The following GNL1 variants were observed in gnomAD, a reference collection of about 807,000 sequenced individuals.
The protein encoded by GNL1 is G protein nucleolar 1, also known as guanine nucleotide-binding protein-like 1.
Under a neutral mutation model 75.2 loss-of-function variants are expected in GNL1, and 21 were observed. The observed-to-expected ratio is 0.28, with a 90% CI of 0.20 to 0.40. The LOEUF (loss-of-function observed/expected upper bound fraction) is 0.40. GNL1 is among the 10% of genes least tolerant of loss of function. The probability of loss-of-function intolerance (pLI) is 1.00; values close to 1 mark genes in which losing one functional copy is unlikely to be tolerated. For synonymous variants in GNL1, 287 were observed against 303.4 expected (o/e 0.95, Z 0.56); for missense variants, 579 against 775.0 (o/e 0.75, Z 3.00).
intron 8 of GNL1, among the ~76,000 whole-genome samples, chr6:30,549,825 CTTT>C (rs535787672): frequency 1.7e-4 from 22 of 129,414 alleles, no homozygotes; most frequent in African/African-American, 4.0e-4. Context: ...AATTCCATGG[CTTT>C]TTTTTTTTTT....
Position 30,546,411 on chromosome 6 carries a change from A to G in GNL1, c.1583-98T>C. ...GAGGCAAAGACTAGGAATAACAATAATCTTTAGAGCTGCTGGCATTCATTC... is the reference window on the plus strand; with the variant it reads ...GAGGCAAAGACTAGGAATAACAATAGTCTTTAGAGCTGCTGGCATTCATTC... On this transcript the variant is annotated intron_variant, in intron 11 of 11. Transcript: ENST00000376621. This position sits in a 1 kb window ranked among gnomAD's most constrained non-coding sequence, Gnocchi z 5.1. 1 of 758,186 alleles carries G rather than the reference A, an allele frequency of 1.3e-6. No homozygotes were observed. Among genetic ancestry groups the G allele is most frequent in the Non-Finnish European group, 2.2e-6 (1 of 455,354 alleles). 47.0% of individuals were successfully genotyped at this position (758,186 alleles called of 1,614,324 possible).
At chr6:30,554,681 C>G in intron 4 of GNL1, 35 bp from the exon 5 acceptor site, 1 of 1,592,012 alleles carries the variant, frequency 6.3e-7, no homozygotes, top group Non-Finnish European at 8.6e-7. Flanking sequence ...AAACTGAAAA[C>G]AGAGTCCCTC....
In GNL1 at chr6:30,556,429, G is replaced by C. The variant is rs878930524; in HGVS notation, c.-226C>G. On this transcript the variant is annotated 5_prime_UTR_variant, in exon 1 of 12. Coordinates refer to ENST00000376621, the MANE Select transcript of GNL1 (RefSeq NM_005275.5). The surrounding 1 kb of genome is among the most constrained non-coding windows in gnomAD (Gnocchi z 5.7). Reference sequence around the variant, plus strand: ...AGGAGCGAGGCGAGAGGATGATGCGGGGTGGGCTACTGGCACGTGAGAGCC... The same window carrying C: ...AGGAGCGAGGCGAGAGGATGATGCGCGGTGGGCTACTGGCACGTGAGAGCC... 3.2e-5 allele frequency: 19 copies of C among 596,810 alleles called. No individual in the cohort carries two copies. In the South Asian group the frequency reaches 3.4e-4, roughly 11 times the overall value. The allele number at this position is 596,810 out of a possible 1,614,324, so 37.0% of individuals were successfully genotyped here.
In GNL1 at chr6:30,552,642, C is replaced by T; in HGVS notation, c.924G>A (p.Arg308=). ...TVGKVDLSSW[R]EKIARDVAGA... is the part of the protein sequence containing the mutation. ...CAGCCACATCCCGAGCAATCTTCTC[C>T]CGCCAGCTGCTCAAGTCCACTGCTC... The change falls in exon 8 of 12, where the codon CGG becomes CGA. Residue 308 remains arginine, a synonymous_variant. Coordinates refer to ENST00000376621, the MANE Select transcript of GNL1 (RefSeq NM_005275.5). This position sits in a 1 kb window ranked among gnomAD's most constrained non-coding sequence, Gnocchi z 4.5. The T allele has an allele frequency of 6.2e-7, 1 of 1,613,594 alleles. No homozygotes were observed. Among genetic ancestry groups the T allele is most frequent in the Non-Finnish European group, 8.5e-7 (1 of 1,179,696 alleles).
In GNL1 at chr6:30,555,499, G is replaced by T; in HGVS notation, c.239+56C>A. On this transcript the variant is annotated intron_variant, in intron 2 of 11. Transcript: ENST00000376621. The surrounding 1 kb of genome is among the most constrained non-coding windows in gnomAD (Gnocchi z 4.3). Reference sequence around the variant, plus strand: ...CAGTAGCAGCCCGCTTTCCCCCAAAGCTCTGACTTCCGGGTAGGCGGGAAA... The same window carrying T: ...CAGTAGCAGCCCGCTTTCCCCCAAATCTCTGACTTCCGGGTAGGCGGGAAA... 1 of 1,534,466 alleles carries T rather than the reference G, an allele frequency of 6.5e-7. No individual in the cohort carries two copies. The highest frequency in any genetic ancestry group is 8.9e-7 in the Non-Finnish European group (1 of 1,121,498).
Position 30,556,269 on chromosome 6 carries a change from G to A in GNL1, c.-66C>T. 3 of 1,562,966 alleles carry A rather than the reference G, an allele frequency of 1.9e-6. No individual in the cohort carries two copies. Among genetic ancestry groups the A allele is most frequent in the Non-Finnish European group, 2.6e-6 (3 of 1,161,612 alleles). On this transcript the variant is annotated 5_prime_UTR_variant, in exon 1 of 12. Transcript: ENST00000376621. The surrounding 1 kb of genome is among the most constrained non-coding windows in gnomAD (Gnocchi z 5.7). ...CGCCGCCTCAACTGACTGCCCCCCG[G>A]GGCAGCCCCCGCCGCAGGGGCCCGG...
In GNL1 at chr6:30,556,100, C is replaced by T. The variant is rs1434165944; in HGVS notation, c.73+31G>A. 6.3e-7 allele frequency: 1 copy of T among 1,595,548 alleles called. No individual in the cohort carries two copies. Among genetic ancestry groups the T allele is most frequent in the Admixed American group, 1.7e-5 (1 of 60,008 alleles). Reference sequence around the variant, plus strand: ...CCTTCCAGATGTGCGGAAGCCCGAGCCCCGCCCCCTCCTCCCGCTCCCGCA... The same window carrying T: ...CCTTCCAGATGTGCGGAAGCCCGAGTCCCGCCCCCTCCTCCCGCTCCCGCA... On this transcript the variant is annotated intron_variant, in intron 1 of 11. Transcript: ENST00000376621. The surrounding 1 kb of genome is among the most constrained non-coding windows in gnomAD (Gnocchi z 5.7).
In GNL1 at chr6:30,555,316, G is replaced by A; in HGVS notation, c.240-125C>T. On this transcript the variant is annotated intron_variant, in intron 2 of 11. Transcript: ENST00000376621. This position sits in a 1 kb window ranked among gnomAD's most constrained non-coding sequence, Gnocchi z 4.3. ...GAGTCGTTCAAGTCTCCTCTCTCAAGTCAGACTTCCCCCAAGTCCTTCTTT... is the reference window on the plus strand; with the variant it reads ...GAGTCGTTCAAGTCTCCTCTCTCAAATCAGACTTCCCCCAAGTCCTTCTTT... 3.4e-6 allele frequency: 4 copies of A among 1,173,254 alleles called. No individual in the cohort carries two copies. The South Asian group carries it at 5.5e-5, about 16-fold the overall frequency. 72.7% of individuals were successfully genotyped at this position (1,173,254 alleles called of 1,614,324 possible). A position where few individuals can be genotyped will look rare whatever the true frequency, so the allele number is the denominator to read the frequency against.
Position 30,543,956 on chromosome 6 carries a change from TCA to T in GNL1, c.*2114_*2115del, listed in dbSNP as rs1303316430. The T allele has an allele frequency of 6.6e-6, 1 of 152,208 alleles. No homozygotes were observed. The highest frequency in any genetic ancestry group is 1.5e-5 in the Non-Finnish European group (1 of 68,050). 9.4% of individuals were successfully genotyped at this position (152,208 alleles called of 1,614,324 possible). A position where few individuals can be genotyped will look rare whatever the true frequency, so the allele number is the denominator to read the frequency against. On this transcript the variant is annotated 3_prime_UTR_variant, in exon 12 of 12. Transcript: ENST00000376621. ...GCCCCAGACCTCCATGGTCAAGTAT[TCA>T]CATAGTAGACATGACCCAGACAAGA... is the stretch of plus-strand genomic sequence containing the variant.
Position 30,556,267 on chromosome 6 carries a change from C to T in GNL1, c.-64G>A. 6.5e-7 allele frequency: 1 copy of T among 1,535,192 alleles called. No homozygotes were observed. The stretch of plus-strand genomic sequence containing the variant: ...CCCGCCGCCTCAACTGACTGCCCCC[C>T]GGGGCAGCCCCCGCCGCAGGGGCCC... On this transcript the variant is annotated 5_prime_UTR_variant, in exon 1 of 12. Coordinates refer to ENST00000376621, the MANE Select transcript of GNL1 (RefSeq NM_005275.5). This position sits in a 1 kb window ranked among gnomAD's most constrained non-coding sequence, Gnocchi z 5.7.
chr6:30,546,058 G>T lies in GNL1; in HGVS notation c.*14C>A, dbSNP rs1404103329. ...CAAAGATACTGGGAGGGAAGATGGC[G>T]CTGGGCGAGGAACTCAGCACTCATC... On this transcript the variant is annotated 3_prime_UTR_variant, in exon 12 of 12. Transcript: ENST00000376621. The surrounding 1 kb of genome is among the most constrained non-coding windows in gnomAD (Gnocchi z 5.1). The T allele has an allele frequency of 1.9e-6, 3 of 1,581,732 alleles. No individual in the cohort carries two copies. In the South Asian group the frequency reaches 3.4e-5, roughly 18 times the overall value.
In GNL1 at chr6:30,550,329, C is replaced by G. The variant is rs149311222; in HGVS notation, c.1099+2138G>C. On this transcript the variant is annotated intron_variant, in intron 8 of 11. Transcript: ENST00000376621. ...CCTCTCCTCCCCAAAGCCTTCAAAT[C>G]TGCTTCTCCCCCAGTCTTCCCATCT... Among the ~76,000 whole-genome samples, 3 of 152,266 alleles carry G rather than the reference C, an allele frequency of 2.0e-5. No individual in the cohort carries two copies. In the East Asian group the frequency reaches 5.8e-4, roughly 29 times the overall value.
At position 30,556,427 on chromosome 6, in the gene GNL1, CGGGGT is replaced by C. The variant is rs1800203448; in HGVS notation, c.-229_-225del. 6.7e-6 allele frequency: 4 copies of C among 594,992 alleles called. No homozygotes were observed. In the Admixed American group the frequency reaches 1.2e-4, roughly 18 times the overall value. The allele number at this position is 594,992 out of a possible 1,614,324, so 36.9% of individuals were successfully genotyped here. A position where few individuals can be genotyped will look rare whatever the true frequency, so the allele number is the denominator to read the frequency against. Reference sequence around the variant, plus strand: ...CCAGGAGCGAGGCGAGAGGATGATGCGGGGTGGGCTACTGGCACGTGAGAGCCAGT... The same window carrying C: ...CCAGGAGCGAGGCGAGAGGATGATGCGGGCTACTGGCACGTGAGAGCCAGT... On this transcript the variant is annotated 5_prime_UTR_variant, in exon 1 of 12. Coordinates refer to ENST00000376621, the MANE Select transcript of GNL1 (RefSeq NM_005275.5). This position sits in a 1 kb window ranked among gnomAD's most constrained non-coding sequence, Gnocchi z 5.7.
In GNL1 at chr6:30,543,591, A is replaced by ATAT. The variant is rs1342015265; in HGVS notation, c.*2478_*2480dup. ...CATACTGCTATAGAGCTATTGTATT[A>ATAT]TATTATTATTATTCTATTCCTACCC... On this transcript the variant is annotated 3_prime_UTR_variant, in exon 12 of 12. Coordinates refer to ENST00000376621, the MANE Select transcript of GNL1 (RefSeq NM_005275.5). The ATAT allele has an allele frequency of 1.3e-5, 2 of 152,138 alleles. No individual in the cohort carries two copies. The highest frequency in any genetic ancestry group is 2.9e-5 in the Non-Finnish European group (2 of 68,018). 9.4% of individuals were successfully genotyped at this position (152,138 alleles called of 1,614,324 possible).
chr6:30,553,245 T>G, intron 6 of GNL1, 66 bp from the exon 7 acceptor site: 1 of 1,442,714 alleles, frequency 6.9e-7, no homozygotes, highest in Non-Finnish European at 9.7e-7. Flanking sequence ...CCACCACCCT[T>G]AGGCCCAAGA....
chr6:30,542,004 T>C lies in GNL1; in HGVS notation c.*4068A>G, dbSNP rs1799196395. 1 of 152,286 alleles carries C rather than the reference T, an allele frequency of 6.6e-6. No individual in the cohort carries two copies. The highest frequency in any genetic ancestry group is 1.5e-5 in the Non-Finnish European group (1 of 68,048). 9.4% of individuals were successfully genotyped at this position (152,286 alleles called of 1,614,324 possible). The stretch of plus-strand genomic sequence containing the variant: ...CACTTGATCCTTCTTCCTAACATCG[T>C]GTTAACACACTCCAAACTAAAAAAG... On this transcript the variant is annotated 3_prime_UTR_variant, in exon 12 of 12. Transcript: ENST00000376621. This position sits in a 1 kb window ranked among gnomAD's most constrained non-coding sequence, Gnocchi z 4.5.
At chr6:30,550,921 T>C (rs1799739270) in intron 8 of GNL1, among the ~76,000 whole-genome samples, 5 of 152,102 alleles carry the variant, frequency 3.3e-5, no homozygotes. Context: ...TCAGGGAGGT[T>C]TTCCCTGAGC....
chr6:30,553,648 A>C (rs1799942547), intron 5 of GNL1, 91 bp from the exon 6 acceptor site: 12 of 859,658 alleles, frequency 1.4e-5, no homozygotes, highest in Non-Finnish European at 2.4e-5. Flanking sequence ...TAGCTCAGAG[A>C]CAAGGCCCTG....
At position 30,544,781 on chromosome 6, in the gene GNL1, A is replaced by G. The variant is rs1799356771; in HGVS notation, c.*1291T>C. ...AACAGGGTCTGTCTGCTCGCATTAG[A>G]GAAACTGCCCAGTGACTCAGATCCT... On this transcript the variant is annotated 3_prime_UTR_variant, in exon 12 of 12. Coordinates refer to ENST00000376621, the MANE Select transcript of GNL1 (RefSeq NM_005275.5). The G allele has an allele frequency of 6.6e-6, 1 of 152,150 alleles. No homozygotes were observed. The highest frequency in any genetic ancestry group is 1.5e-5 in the Non-Finnish European group (1 of 68,026). The allele number at this position is 152,150 out of a possible 1,614,324, so 9.4% of individuals were successfully genotyped here.
Sources: allele counts gnomAD v4.1 joint callset (sites outside exome capture counted in the v4.1 genomes callset), GRCh38; gene constraint gnomAD v4.1.1; non-coding constraint Gnocchi (gnomAD v3.1); transcripts MANE v1.5; gene names NCBI Gene and HGNC (gene_info 2026-07-23, HGNC 2026-07-21).